Variants in COL22A1 observed in about 807,000 individuals in gnomAD.
COL22A1 encodes the protein collagen alpha-1(XXII) chain.
Under a neutral mutation model 248.9 loss-of-function variants are expected in COL22A1, and 221 were observed. The observed-to-expected ratio is 0.89, with a 90% CI of 0.80 to 0.99. The LOEUF (loss-of-function observed/expected upper bound fraction) is 0.99, where lower values mean the gene tolerates loss of function less well. COL22A1 is among the 50% of genes least tolerant of loss of function. The pLI, the probability that COL22A1 is intolerant of heterozygous loss-of-function variation, is 0.00. For missense variants in COL22A1, 2,240 were observed against 2,179.0 expected (o/e 1.03, Z -0.56); for synonymous variants, 891 against 793.4 (o/e 1.12, Z -2.07).
rs1823078023 is a variant in COL22A1 at position 138,868,609 on chromosome 8, C to T, written c.658+9141G>A. Among the ~76,000 whole-genome samples the T allele has an allele frequency of 2.6e-5, 4 of 152,274 alleles. No individual in the cohort carries two copies. In the South Asian group the frequency reaches 8.3e-4, roughly 32 times the overall value. ...CACACTCACACACAAGTAAATACATCATGTGTGTAAATGTATACAGTAAGA... is the reference window on the plus strand; with the variant it reads ...CACACTCACACACAAGTAAATACATTATGTGTGTAAATGTATACAGTAAGA... On this transcript the variant is annotated intron_variant, in intron 3 of 64. Coordinates refer to ENST00000303045, the MANE Select transcript of COL22A1 (RefSeq NM_152888.3).
intron 49 of COL22A1, among the ~76,000 whole-genome samples, chr8:138,633,438 T>A (rs1383305472): frequency 6.6e-6 from 1 of 152,208 alleles, no homozygotes; most frequent in Non-Finnish European, 1.5e-5. Flanking sequence ...CAGCTTCCAG[T>A]GAGAACAGAT....
At chr8:138,852,018 G>A (rs1821680355) in intron 3 of COL22A1, among the ~76,000 whole-genome samples, 1 of 152,068 alleles carries the variant, frequency 6.6e-6, no homozygotes. Flanking sequence ...TTGGGGAAGG[G>A]GGGATTGGAG....
chr8:138,762,008 C>A (rs1833525161), intron 17 of COL22A1, among the ~76,000 whole-genome samples: 1 of 152,218 alleles, frequency 6.6e-6, no homozygotes, highest in South Asian at 2.1e-4. Flanking sequence ...TCCTCAGCCT[C>A]ATAGCACTCT....
intron 32 of COL22A1, 115 bp from the exon 33 acceptor site, chr8:138,694,994 A>C: frequency 7.8e-6 from 7 of 894,676 alleles, no homozygotes; most frequent in Non-Finnish European, 1.0e-5. Flanking sequence ...GTATCACCTG[A>C]TAGGTCCCCA....
At chr8:138,713,766 A>G (rs1829221844) in intron 30 of COL22A1, among the ~76,000 whole-genome samples, 1 of 151,702 alleles carries the variant, frequency 6.6e-6, no homozygotes, top group African/African-American at 2.4e-5. Flanking sequence ...CACCAAGCAG[A>G]TCTCTAAAAA....
At chr8:138,893,423 T>C (rs1440553142) in intron 1 of COL22A1, among the ~76,000 whole-genome samples, 3 of 152,230 alleles carry the variant, frequency 2.0e-5, no homozygotes, top group Non-Finnish European at 4.4e-5. Flanking sequence ...CACAGGGTTG[T>C]TGGGTTTAAT....
At chr8:138,810,700 G>C (rs1377011300) in intron 9 of COL22A1, among the ~76,000 whole-genome samples, 2 of 152,190 alleles carry the variant, frequency 1.3e-5, no homozygotes, top group Non-Finnish European at 2.9e-5. Context: ...TGGCTTTCTG[G>C]GTAGCACAAA....
At chr8:138,813,399 C>T (rs927021262) in intron 7 of COL22A1, among the ~76,000 whole-genome samples, 1 of 152,158 alleles carries the variant, frequency 6.6e-6, no homozygotes, top group Non-Finnish European at 1.5e-5. Context: ...GGGGTTTCCC[C>T]TTTTTCTTGG....
At chr8:138,677,664 T>C (rs1825672309) in intron 40 of COL22A1, among the ~76,000 whole-genome samples, 2 of 152,280 alleles carry the variant, frequency 1.3e-5, no homozygotes, top group African/African-American at 4.8e-5. Context: ...TAAGGATTAA[T>C]GTGCTTGATT....
chr8:138,848,769 C>T lies in COL22A1; in HGVS notation c.659-4611G>A, dbSNP rs1821426830. On this transcript the variant is annotated intron_variant, in intron 3 of 64. Coordinates refer to ENST00000303045, the MANE Select transcript of COL22A1 (RefSeq NM_152888.3). ...TAAAAACTGAGTCCAAGATGAGAAA[C>T]TCATCAGACAGGAGAAATGTCTCTG... 2.0e-5 allele frequency among the ~76,000 whole-genome samples: 3 copies of T among 152,192 alleles called. 1 individual carries two copies. The highest frequency in any genetic ancestry group is 7.2e-5 in the African/African-American group (3 of 41,440).
intron 9 of COL22A1, among the ~76,000 whole-genome samples, chr8:138,810,173 G>A (rs118106671): frequency 0.021 from 3,137 of 152,270 alleles, 68 homozygotes; most frequent in Non-Finnish European, 0.029. Flanking sequence ...GAGAGGACAC[G>A]AAGGAGGGAA....
intron 37 of COL22A1, 59 bp from the exon 38 acceptor site, chr8:138,685,371 T>C (rs746243229): frequency 1.5e-5 from 21 of 1,417,116 alleles, no homozygotes; most frequent in African/African-American, 2.8e-5. Context: ...AGCTTTTCTA[T>C]GGGGGAGCAG....
chr8:138,851,432 T>C (rs899057251), intron 3 of COL22A1, among the ~76,000 whole-genome samples: 2 of 152,156 alleles, frequency 1.3e-5, no homozygotes, highest in African/African-American at 2.4e-5. Context: ...TTCAGAGCAA[T>C]GGAGAGCTCA....
chr8:138,898,893 A>C (rs942849599), intron 1 of COL22A1, among the ~76,000 whole-genome samples: 2 of 152,098 alleles, frequency 1.3e-5, no homozygotes, highest in African/African-American at 4.8e-5. Flanking sequence ...TCTACACTAA[A>C]TTCCCTATGA....
chr8:138,851,484 T>G (rs1821641951), intron 3 of COL22A1, among the ~76,000 whole-genome samples: 1 of 152,214 alleles, frequency 6.6e-6, no homozygotes, highest in African/African-American at 2.4e-5. Context: ...GTTGTTACTA[T>G]GTATGAGTGC....
intron 12 of COL22A1, among the ~76,000 whole-genome samples, chr8:138,786,306 C>T (rs868042713): frequency 1.6e-4 from 25 of 152,198 alleles, no homozygotes; most frequent in South Asian, 4.2e-4. Flanking sequence ...GAGTCAGAGA[C>T]GGTAACATCT....
In COL22A1 at chr8:138,589,433, G is replaced by A. The variant is rs564075290; in HGVS notation, c.4701C>T (p.Pro1567=). 17 of 1,551,580 alleles carry A rather than the reference G, an allele frequency of 1.1e-5. No homozygotes were observed. The highest frequency in any genetic ancestry group is 9.5e-5 in the East Asian group (4 of 42,110). Residue 1567 remains proline (P), a synonymous_variant, in exon 65 of 65, where the codon CCC becomes CCT. Coordinates refer to ENST00000303045, the MANE Select transcript of COL22A1 (RefSeq NM_152888.3). ...EMGPPGIPGQ[P]GEPGYAKDGL... ...CATCTTTAGCATAGCCAGGTTCCCC[G>A]GGTTGACCTGGCCCAAGGAGCAAAA...
intron 23 of COL22A1, among the ~76,000 whole-genome samples, chr8:138,733,191 C>T (rs1051341313): frequency 9.2e-5 from 14 of 152,282 alleles, no homozygotes; most frequent in Non-Finnish European, 1.5e-4. Flanking sequence ...AGCACCAAGC[C>T]GCACTGCCTG....
intron 1 of COL22A1, among the ~76,000 whole-genome samples, chr8:138,887,851 G>C (rs923074440): frequency 1.3e-5 from 2 of 152,170 alleles, no homozygotes; most frequent in African/African-American, 4.8e-5. Flanking sequence ...GCCTCCAGCA[G>C]TGTGGGAGTG....
Sources: allele counts gnomAD v4.1 joint callset (sites outside exome capture counted in the v4.1 genomes callset), GRCh38; gene constraint gnomAD v4.1.1; transcripts MANE v1.5; gene names NCBI Gene and HGNC (gene_info 2026-07-23, HGNC 2026-07-21).